The following TAF4B variants were observed in gnomAD, a reference collection of about 807,000 sequenced individuals.
TAF4B encodes TATA-box binding protein associated factor 4b.
In TAF4B, 38 loss-of-function variants were observed where a neutral mutation model predicts 86.4. The ratio of observed to expected loss-of-function variants is 0.44; its 90% confidence interval spans 0.34 to 0.58. TAF4B has a LOEUF of 0.58. TAF4B is among the 20% of genes least tolerant of loss of function. The pLI is 0.02. For synonymous variants in TAF4B, 388 were observed against 391.2 expected (o/e 0.99, Z 0.10); for missense variants, 988 against 1,027.6 (o/e 0.96, Z 0.53).
chr18:26,369,774 ATC>A (rs1208589025), intron 14 of TAF4B, among the ~76,000 whole-genome samples: 1 of 152,232 alleles, frequency 6.6e-6, no homozygotes, highest in African/African-American at 2.4e-5. Context: ...ACATGGCCAA[ATC>A]TCTGGTAATG....
Position 26,267,756 on chromosome 18 carries a change from T to C in TAF4B, c.597+133T>C, listed in dbSNP as rs894207542. ...CAATTCAGTAATATATGATGGCACTTATCAAACTGGGAACTGTTGGAGGTA... is the reference window on the plus strand; with the variant it reads ...CAATTCAGTAATATATGATGGCACTCATCAAACTGGGAACTGTTGGAGGTA... On this transcript the variant is annotated intron_variant, in intron 3 of 14. Coordinates refer to ENST00000269142, the MANE Select transcript of TAF4B (RefSeq NM_005640.3). The C allele has an allele frequency of 1.3e-5, 8 of 622,622 alleles. No individual in the cohort carries two copies. In the African/African-American group the frequency reaches 1.5e-4, roughly 11 times the overall value. 38.6% of individuals were successfully genotyped at this position (622,622 alleles called of 1,614,324 possible). A position where few individuals can be genotyped will look rare whatever the true frequency, so the allele number is the denominator to read the frequency against.
intron 1 of TAF4B, among the ~76,000 whole-genome samples, chr18:26,251,589 G>A (rs920813333): frequency 4.6e-5 from 7 of 152,080 alleles, no homozygotes; most frequent in African/African-American, 1.7e-4. Flanking sequence ...ATAGAGGAAC[G>A]GTGCTATGTA....
intron 14 of TAF4B, among the ~76,000 whole-genome samples, chr18:26,386,694 A>G (rs1365110798): frequency 6.6e-6 from 1 of 152,212 alleles, no homozygotes; most frequent in Non-Finnish European, 1.5e-5. Context: ...CCTTTCATTG[A>G]ACATTTTTGT....
chr18:26,226,689 A>G lies in TAF4B; in HGVS notation c.-245A>G. The G allele has an allele frequency of 2.6e-6, 1 of 383,196 alleles. No homozygotes were observed. The highest frequency in any genetic ancestry group is 4.6e-6 in the Non-Finnish European group (1 of 217,300). 23.7% of individuals were successfully genotyped at this position (383,196 alleles called of 1,614,324 possible). A position where few individuals can be genotyped will look rare whatever the true frequency, so the allele number is the denominator to read the frequency against. On this transcript the variant is annotated 5_prime_UTR_variant, in exon 1 of 15. Transcript: ENST00000269142. The stretch of plus-strand genomic sequence containing the variant: ...TGTGAGCGCCGCTGAGGAAGCTGCG[A>G]GAGGTCGGGCGGGTGTCGCTCCGGG...
chr18:26,244,564 G>A (rs1476486596), intron 1 of TAF4B, among the ~76,000 whole-genome samples: 5 of 152,264 alleles, frequency 3.3e-5, no homozygotes, highest in Middle Eastern at 6.8e-3. Flanking sequence ...CTCACACTCC[G>A]TGGGCTGCAC....
At chr18:26,266,817 G>C (rs541037032) in intron 2 of TAF4B, 1 of 152,076 alleles carries the variant, frequency 6.6e-6, no homozygotes. Flanking sequence ...AGCCGAGATC[G>C]TGCCACCTCA....
At position 26,320,325 on chromosome 18, in the gene TAF4B, A is replaced by G. The variant is rs572550191; in HGVS notation, c.2003-745A>G. 1.8e-4 allele frequency among the ~76,000 whole-genome samples: 27 copies of G among 152,302 alleles called. No homozygotes were observed. In the South Asian group the frequency reaches 5.0e-3, roughly 28 times the overall value. The stretch of plus-strand genomic sequence containing the variant: ...GGTTTCACTGGGGCTGAGAAGTACT[A>G]TTTAAATTACGGACAAGGTTGATTT... On this transcript the variant is annotated intron_variant, in intron 10 of 14. Coordinates refer to ENST00000269142, the MANE Select transcript of TAF4B (RefSeq NM_005640.3).
intron 5 of TAF4B, among the ~76,000 whole-genome samples, chr18:26,281,453 C>A (rs2056448439): frequency 6.6e-6 from 1 of 152,106 alleles, no homozygotes; most frequent in Admixed American, 6.6e-5. Context: ...TAAGATAATT[C>A]AATCAGCTAC....
chr18:26,380,852 A>G (rs1273157762), intron 14 of TAF4B, among the ~76,000 whole-genome samples: 1 of 151,470 alleles, frequency 6.6e-6, no homozygotes, highest in Admixed American at 6.6e-5. Flanking sequence ...TCAATAGTTA[A>G]TGTAAATACT....
chr18:26,308,879 CAAAAAAAA>C (rs71169847), intron 9 of TAF4B, among the ~76,000 whole-genome samples: 9 of 80,368 alleles, frequency 1.1e-4, no homozygotes, highest in Non-Finnish European at 2.1e-4. Context: ...GACTCTGTCT[CAAAAAAAA>C]AAAAAAAAAA....
At chr18:26,239,800 A>G (rs953705460) in intron 1 of TAF4B, among the ~76,000 whole-genome samples, 2 of 152,200 alleles carry the variant, frequency 1.3e-5, no homozygotes, top group Non-Finnish European at 2.9e-5. Flanking sequence ...TCAGCTTTCT[A>G]CATATGGCTA....
chr18:26,317,576 C>T (rs2056924592), intron 10 of TAF4B, among the ~76,000 whole-genome samples: 1 of 152,162 alleles, frequency 6.6e-6, no homozygotes, highest in Non-Finnish European at 1.5e-5. Context: ...TCTTAGTCAT[C>T]TTGGATTGCT....
rs2055582882 is a variant in TAF4B at position 26,226,867 on chromosome 18, C to T, written c.-67C>T. Reference sequence around the variant, plus strand: ...AACCGCACCGGAGTCGGCTGCCGCGCGCCAAGCCTCCCCTCACCTCTGCTC... The same window carrying T: ...AACCGCACCGGAGTCGGCTGCCGCGTGCCAAGCCTCCCCTCACCTCTGCTC... On this transcript the variant is annotated 5_prime_UTR_variant, in exon 1 of 15. Transcript: ENST00000269142. 8 of 1,252,168 alleles carry T rather than the reference C, an allele frequency of 6.4e-6. No homozygotes were observed. In the South Asian group the frequency reaches 1.4e-4, roughly 22 times the overall value. The allele number at this position is 1,252,168 out of a possible 1,614,324, so 77.6% of individuals were successfully genotyped here. A position where few individuals can be genotyped will look rare whatever the true frequency, so the allele number is the denominator to read the frequency against.
intron 9 of TAF4B, among the ~76,000 whole-genome samples, chr18:26,299,757 AT>A (rs1169959660): frequency 6.6e-6 from 1 of 151,922 alleles, no homozygotes; most frequent in Non-Finnish European, 1.5e-5. Context: ...ATGAAGTTGT[AT>A]TTTTTTAAGG....
chr18:26,230,428 A>C (rs902091466), intron 1 of TAF4B, among the ~76,000 whole-genome samples: 1 of 152,204 alleles, frequency 6.6e-6, no homozygotes, highest in Non-Finnish European at 1.5e-5. Flanking sequence ...TACAGTGTAC[A>C]TGATCATCAC....
chr18:26,247,127 A>G (rs1219293385), intron 1 of TAF4B, among the ~76,000 whole-genome samples: 1 of 151,872 alleles, frequency 6.6e-6, no homozygotes, highest in African/African-American at 2.4e-5. Context: ...GGCCTCCCAA[A>G]TTGCTGGGAT....
intron 8 of TAF4B, among the ~76,000 whole-genome samples, chr18:26,293,124 T>C (rs934746212): frequency 6.6e-6 from 1 of 152,166 alleles, no homozygotes; most frequent in Non-Finnish European, 1.5e-5. Flanking sequence ...TATGTATTTT[T>C]AAAAAATACC....
At chr18:26,301,748 A>AT (rs1318694787) in intron 9 of TAF4B, among the ~76,000 whole-genome samples, 2 of 152,248 alleles carry the variant, frequency 1.3e-5, no homozygotes, top group African/African-American at 4.8e-5. Context: ...TAAATGCCTC[A>AT]CTTATTAATA....
At chr18:26,296,042 C>A (rs1162493728) in intron 9 of TAF4B, among the ~76,000 whole-genome samples, 1 of 150,434 alleles carries the variant, frequency 6.6e-6, no homozygotes, top group East Asian at 1.9e-4. Flanking sequence ...GGATTTTAGT[C>A]CTTTTGCCTC....
Sources: allele counts gnomAD v4.1 joint callset (sites outside exome capture counted in the v4.1 genomes callset), GRCh38; gene constraint gnomAD v4.1.1; transcripts MANE v1.5; gene names NCBI Gene and HGNC (gene_info 2026-07-23, HGNC 2026-07-21).